Variants in RB1 observed in about 807,000 individuals in gnomAD.
RB1 encodes retinoblastoma-associated protein.
In RB1, 18 loss-of-function variants were observed where a neutral mutation model predicts 135.4. The ratio of observed to expected loss-of-function variants is 0.13; its 90% CI spans 0.09 to 0.20. RB1 has a LOEUF of 0.20. Ranked by LOEUF, RB1 falls within the 10% of genes least tolerant of loss-of-function variation. The probability of loss-of-function intolerance (pLI) is 1.00; values close to 1 mark genes in which losing one functional copy is unlikely to be tolerated. For synonymous variants in RB1, 365 were observed against 373.2 expected, an observed-to-expected ratio of 0.98 and a Z score of 0.25; for missense variants, 868 against 1,110.0, an observed-to-expected ratio of 0.78 and a Z score of 3.10.
intron 2 of RB1, among the ~76,000 whole-genome samples, chr13:48,313,117 CATATGAATATCTTCCATATGA>C (rs1324443031): frequency 2.0e-5 from 3 of 152,080 alleles, no homozygotes; most frequent in African/African-American, 7.2e-5. Flanking sequence ...ATGAATCTTC[CATATGAATATCTTCCATATGA>C]ATATGATAGT....
In RB1 at chr13:48,464,979, T is replaced by TTTTTTTTG. The variant is rs1949428887; in HGVS notation, c.2212-16_2212-15insTTTTGTTT. 1 of 1,473,060 alleles carries TTTTTTTTG rather than the reference T, an allele frequency of 6.8e-7. No individual in the cohort carries two copies. Among genetic ancestry groups the TTTTTTTTG allele is most frequent in the Non-Finnish European group, 9.1e-7 (1 of 1,103,126 alleles). The allele number at this position is 1,473,060 out of a possible 1,614,324, so 91.2% of individuals were successfully genotyped here. ...TTTACTTTTTTTTTTTTTTTTTTTT[T>TTTTTTTTG]TTTACTGTTCTTCCTCAGACATTCA... On this transcript the variant is annotated intron_variant, in intron 21 of 26. Transcript: ENST00000267163.
intron 6 of RB1, among the ~76,000 whole-genome samples, chr13:48,352,367 AG>A (rs1429287523): frequency 6.7e-6 from 1 of 148,930 alleles, no homozygotes; most frequent in Non-Finnish European, 1.5e-5. Context: ...ATTTTAAAAT[AG>A]TTTTTTTTTT....
At chr13:48,383,850 T>C (rs552599686) in intron 17 of RB1, among the ~76,000 whole-genome samples, 4 of 152,194 alleles carry the variant, frequency 2.6e-5, no homozygotes, top group African/African-American at 9.6e-5. Context: ...CTCCCAGAAA[T>C]TGATATTGAG....
rs749894411 is a variant in RB1 at position 48,411,605 on chromosome 13, G to T, written c.1695+30162G>T. The T allele has an allele frequency of 1.9e-6, 3 of 1,611,766 alleles. No individual in the cohort carries two copies. Among genetic ancestry groups the T allele is most frequent in the Non-Finnish European group, 2.5e-6 (3 of 1,178,070 alleles). On this transcript the variant is annotated intron_variant, in intron 17 of 26. Coordinates refer to ENST00000267163, the MANE Select transcript of RB1 (RefSeq NM_000321.3). ...AAACAGCAATACAGAGAGTGATTGG[G>T]TACATTGTCCTTACTGCTGCCACTA...
At chr13:48,356,986 G>A (rs138253506) in intron 6 of RB1, among the ~76,000 whole-genome samples, 42 of 151,820 alleles carry the variant, frequency 2.8e-4, no homozygotes, top group African/African-American at 8.9e-4. Flanking sequence ...TGAGACTAGC[G>A]TAATTCCGCT....
intron 2 of RB1, among the ~76,000 whole-genome samples, chr13:48,331,457 G>T (rs1160218737): frequency 6.6e-6 from 1 of 152,090 alleles, no homozygotes; most frequent in Admixed American, 6.5e-5. Flanking sequence ...TGGATTAATT[G>T]GTTTTCCTGA....
intron 1 of RB1, among the ~76,000 whole-genome samples, chr13:48,306,483 A>G (rs1384076462): frequency 6.6e-6 from 1 of 152,214 alleles, no homozygotes; most frequent in Non-Finnish European, 1.5e-5. Context: ...AAGGGCATGG[A>G]TTATAGAGTT....
At chr13:48,453,548 C>A (rs1949341993) in intron 18 of RB1, among the ~76,000 whole-genome samples, 1 of 151,908 alleles carries the variant, frequency 6.6e-6, no homozygotes, top group Non-Finnish European at 1.5e-5. Flanking sequence ...TGGACTAACA[C>A]ACAGTTGATT....
intron 26 of RB1, among the ~76,000 whole-genome samples, chr13:48,479,418 T>C (rs965706888): frequency 1.1e-4 from 16 of 152,182 alleles, no homozygotes; most frequent in African/African-American, 3.9e-4. Context: ...AACCACCTCA[T>C]CTCTAGAATA....
intron 2 of RB1, among the ~76,000 whole-genome samples, chr13:48,328,762 T>C (rs1410175541): frequency 6.6e-6 from 1 of 152,218 alleles, no homozygotes; most frequent in Non-Finnish European, 1.5e-5. Flanking sequence ...CAAACACTGC[T>C]ATAACACCTC....
At chr13:48,318,949 G>A (rs756387558) in intron 2 of RB1, 621 of 932,906 alleles carry the variant, frequency 6.7e-4, no homozygotes, top group Non-Finnish European at 8.8e-4. Context: ...CGTTCAGGGA[G>A]TAGAAGCGTG....
chr13:48,395,904 A>T (rs755976280), intron 17 of RB1, among the ~76,000 whole-genome samples: 7 of 152,202 alleles, frequency 4.6e-5, no homozygotes, highest in Non-Finnish European at 8.8e-5. Context: ...ACTCCTCAAG[A>T]AGAGGAACCC....
chr13:48,307,129 T>TA lies in RB1; in HGVS notation c.138-149dup, dbSNP rs1952087281. 10 of 618,164 alleles carry TA rather than the reference T, an allele frequency of 1.6e-5. No homozygotes were observed. In the East Asian group the frequency reaches 2.9e-4, roughly 18 times the overall value. 38.3% of individuals were successfully genotyped at this position (618,164 alleles called of 1,614,324 possible). A position where few individuals can be genotyped will look rare whatever the true frequency, so the allele number is the denominator to read the frequency against. Reference sequence around the variant, plus strand: ...TAATCATATGTTTAAATTTGAAGTGTAATGTTTTTCTAAGATAAAATAAGA... The same window carrying TA: ...TAATCATATGTTTAAATTTGAAGTGTAAATGTTTTTCTAAGATAAAATAAGA... On this transcript the variant is annotated intron_variant, in intron 1 of 26. Coordinates refer to ENST00000267163, the MANE Select transcript of RB1 (RefSeq NM_000321.3).
chr13:48,318,479 G>A, intron 2 of RB1: 1 of 1,269,530 alleles, frequency 7.9e-7, no homozygotes. Context: ...GCCTCACCTC[G>A]TCTGTCTTAC....
intron 2 of RB1, chr13:48,327,975 AG>A: frequency 1.8e-6 from 1 of 547,780 alleles, no homozygotes; most frequent in South Asian, 2.6e-5. Context: ...AAGATGAAAA[AG>A]AAAAAAAAAG....
Position 48,360,137 on chromosome 13 carries a change from T to C in RB1, c.718+10T>C, listed in dbSNP as rs1952626397. 6.2e-7 allele frequency: 1 copy of C among 1,612,004 alleles called. No individual in the cohort carries two copies. Among genetic ancestry groups the C allele is most frequent in the Non-Finnish European group, 8.5e-7 (1 of 1,178,946 alleles). On this transcript the variant is annotated intron_variant, in intron 7 of 26. Transcript: ENST00000267163. ...CTCAAAGAACCATATAGTAAGTATT[T>C]AATTTATGCCCCTTTTACTTTCTCA... is the stretch of plus-strand genomic sequence containing the variant.
chr13:48,446,254 G>A (rs566314066), intron 17 of RB1, among the ~76,000 whole-genome samples: 1 of 152,110 alleles, frequency 6.6e-6, no homozygotes. Context: ...CACCATGCCT[G>A]GCCCCATTTT....
At chr13:48,431,387 CA>C (rs1020546261) in intron 17 of RB1, among the ~76,000 whole-genome samples, 3 of 151,972 alleles carry the variant, frequency 2.0e-5, no homozygotes, top group African/African-American at 4.8e-5. Flanking sequence ...TGCTTAAAAC[CA>C]AAAACATATT....
chr13:48,321,607 G>A (rs1302342093), intron 2 of RB1, among the ~76,000 whole-genome samples: 1 of 152,024 alleles, frequency 6.6e-6, no homozygotes, highest in Non-Finnish European at 1.5e-5. Context: ...TGTAATCCTA[G>A]CACTTTCGGA....
Sources: gnomAD v4.1 joint callset for allele counts (sites outside exome capture counted in the v4.1 genomes callset) on GRCh38, gnomAD v4.1.1 for gene constraint, MANE v1.5 for transcripts, NCBI Gene and HGNC (gene_info 2026-07-23, HGNC 2026-07-21) for gene names.